Variants in PCDH9 observed in about 807,000 individuals in gnomAD.
PCDH9 encodes protocadherin 9, also known as protocadherin-9.
A neutral mutation model predicts 70.6 loss-of-function variants in PCDH9; 24 were observed. The observed-to-expected ratio is 0.34, with a 90% CI of 0.25 to 0.48. PCDH9 has a LOEUF of 0.48. Among genes scored for constraint, PCDH9 ranks in the 20% least tolerant of loss-of-function variants. The probability of loss-of-function intolerance (pLI) is 0.99; values close to 1 mark genes in which losing one functional copy is unlikely to be tolerated. For missense variants in PCDH9, 1,281 were observed against 1,503.6 expected (o/e 0.85, Z 2.45); for synonymous variants, 562 against 558.5 (o/e 1.01, Z -0.09).
intron 2 of PCDH9, among the ~76,000 whole-genome samples, chr13:66,932,464 A>T (rs1594277062): frequency 6.6e-6 from 1 of 152,034 alleles, no homozygotes; most frequent in African/African-American, 2.4e-5. Flanking sequence ...AGCAAAATCA[A>T]ATAAAACCAA....
At chr13:66,373,139 G>A (rs1330598977) in intron 4 of PCDH9, among the ~76,000 whole-genome samples, 1 of 151,946 alleles carries the variant, frequency 6.6e-6, no homozygotes, top group African/African-American at 2.4e-5. Context: ...ATTTTATAAT[G>A]AAATATTATT....
intron 2 of PCDH9, among the ~76,000 whole-genome samples, chr13:67,078,359 C>T (rs1252388738): frequency 6.6e-6 from 1 of 152,148 alleles, no homozygotes; most frequent in Non-Finnish European, 1.5e-5. Flanking sequence ...GTGTGAAACC[C>T]ACATTAATCT....
In PCDH9 at chr13:66,700,941, T is replaced by C. The variant is rs866087937; in HGVS notation, c.3139-69530A>G. Among the ~76,000 whole-genome samples, 7 of 128,400 alleles carry C rather than the reference T, an allele frequency of 5.5e-5. 1 individual carries two copies. The highest frequency in any genetic ancestry group is 2.4e-4 in the East Asian group (1 of 4,152). 84.2% of individuals were successfully genotyped at this position (128,400 alleles called of 152,430 possible). On this transcript the variant is annotated intron_variant, in intron 3 of 4. Coordinates refer to ENST00000377865, the MANE Select transcript of PCDH9 (RefSeq NM_203487.3). Reference sequence around the variant, plus strand: ...ACATATAAATATATATATATATATATATATATATATATATATATATATATA... The same window carrying C: ...ACATATAAATATATATATATATATACATATATATATATATATATATATATA...
chr13:66,308,167 A>G (rs2138057703), intron 4 of PCDH9, among the ~76,000 whole-genome samples: 1 of 152,192 alleles, frequency 6.6e-6, no homozygotes, highest in Non-Finnish European at 1.5e-5. Context: ...TTCTCTTTAT[A>G]ACTTATCAGA....
intron 4 of PCDH9, among the ~76,000 whole-genome samples, chr13:66,573,378 T>C (rs1566427993): frequency 6.6e-6 from 1 of 152,028 alleles, no homozygotes; most frequent in Non-Finnish European, 1.5e-5. Context: ...TTCTATACAT[T>C]GTTTCTTCAC....
intron 2 of PCDH9, among the ~76,000 whole-genome samples, chr13:66,974,507 T>C (rs1156553540): frequency 1.3e-5 from 2 of 151,970 alleles, no homozygotes; most frequent in Non-Finnish European, 2.9e-5. Context: ...GTGGGTAGAT[T>C]ATAGCCCAGA....
Position 66,390,315 on chromosome 13 carries a change from C to T in PCDH9, c.3341-85287G>A, listed in dbSNP as rs140581904. ...TGGCACTCCATTTCTTCTTCACTCT[C>T]ACGGCAAAAAGAAGTCACCCTTTGA... On this transcript the variant is annotated intron_variant, in intron 4 of 4. Coordinates refer to ENST00000377865, the MANE Select transcript of PCDH9 (RefSeq NM_203487.3). Among the ~76,000 whole-genome samples the T allele has an allele frequency of 1.7e-4, 26 of 152,184 alleles. No individual in the cohort carries two copies. In the East Asian group the frequency reaches 2.9e-3, roughly 17 times the overall value.
Position 66,911,336 on chromosome 13 carries a change from A to AC in PCDH9, c.3037-7732dup, listed in dbSNP as rs557479899. Among the ~76,000 whole-genome samples the AC allele has an allele frequency of 1.3e-4, 20 of 152,312 alleles. No individual in the cohort carries two copies. In the East Asian group the frequency reaches 3.7e-3, roughly 28 times the overall value. On this transcript the variant is annotated intron_variant, in intron 2 of 4. Coordinates refer to ENST00000377865, the MANE Select transcript of PCDH9 (RefSeq NM_203487.3). ...CAGGAATAAGATCATGTATTTGCCC[A>AC]CATCTGGCTGTAAATTCCTTCATAA...
At chr13:67,027,800 C>G (rs1295385794) in intron 2 of PCDH9, among the ~76,000 whole-genome samples, 13 of 145,564 alleles carry the variant, frequency 8.9e-5, no homozygotes, top group Non-Finnish European at 1.5e-4. Context: ...TTTATGCAGC[C>G]AAAAGACACA....
intron 2 of PCDH9, among the ~76,000 whole-genome samples, chr13:67,200,106 G>T (rs1327747437): frequency 6.6e-6 from 1 of 151,988 alleles, no homozygotes; most frequent in Non-Finnish European, 1.5e-5. Context: ...CTCTTTCAAT[G>T]AATATCCTTA....
At position 66,549,309 on chromosome 13, in the gene PCDH9, C is replaced by T. The variant is rs145233500; in HGVS notation, c.3340+81901G>A. On this transcript the variant is annotated intron_variant, in intron 4 of 4. Transcript: ENST00000377865. ...GGGAGGGGGAAGGATTAGTACTTTG[C>T]ATCAAATAGCTTGCTTTATGATGGT... 4.3e-3 allele frequency among the ~76,000 whole-genome samples: 654 copies of T among 152,076 alleles called. 2 individuals are homozygous for T. Among genetic ancestry groups the T allele is most frequent in the African/African-American group, 0.015 (624 of 41,510 alleles).
At chr13:67,096,227 T>C (rs973157140) in intron 2 of PCDH9, among the ~76,000 whole-genome samples, 3 of 152,280 alleles carry the variant, frequency 2.0e-5, no homozygotes, top group East Asian at 1.9e-4. Flanking sequence ...TTTCACAGAA[T>C]GCACTTTCCT....
At chr13:66,698,153 G>T (rs1349704234) in intron 3 of PCDH9, among the ~76,000 whole-genome samples, 1 of 152,280 alleles carries the variant, frequency 6.6e-6, no homozygotes, top group East Asian at 1.9e-4. Context: ...TTGTTTAATG[G>T]GTAGAGAGTT....
chr13:67,079,352 C>CATA (rs145445714), intron 2 of PCDH9, among the ~76,000 whole-genome samples: 12,813 of 152,084 alleles, frequency 0.084, 680 homozygotes, highest in South Asian at 0.14. Context: ...TATAAAACTA[C>CATA]ATAAAATAAT....
intron 3 of PCDH9, among the ~76,000 whole-genome samples, chr13:66,767,285 T>A (rs1257728535): frequency 6.6e-6 from 1 of 152,112 alleles, no homozygotes; most frequent in Non-Finnish European, 1.5e-5. Context: ...ATGTGTTATA[T>A]TTAAGGCAAA....
At chr13:66,525,566 C>G (rs1331051948) in intron 4 of PCDH9, among the ~76,000 whole-genome samples, 2 of 152,040 alleles carry the variant, frequency 1.3e-5, no homozygotes, top group Non-Finnish European at 2.9e-5. Context: ...CAAAACAAAA[C>G]AAGCAAACAA....
At position 67,002,731 on chromosome 13, in the gene PCDH9, C is replaced by T. The variant is rs1300863029; in HGVS notation, c.3037-99126G>A. Among the ~76,000 whole-genome samples, 7 of 151,912 alleles carry T rather than the reference C, an allele frequency of 4.6e-5. No individual in the cohort carries two copies. The South Asian group carries it at 1.5e-3, about 31-fold the overall frequency. The stretch of plus-strand genomic sequence containing the variant: ...TAATCTTCTATGAACTTCTTTTTTT[C>T]CTGTAAATTTGCCATCCAACTCTAC... On this transcript the variant is annotated intron_variant, in intron 2 of 4. Coordinates refer to ENST00000377865, the MANE Select transcript of PCDH9 (RefSeq NM_203487.3).
At chr13:66,803,737 T>C (rs925984418) in intron 3 of PCDH9, among the ~76,000 whole-genome samples, 1 of 152,088 alleles carries the variant, frequency 6.6e-6, no homozygotes, top group Non-Finnish European at 1.5e-5. Context: ...CAGAAATGGG[T>C]GGATAACGTT....
chr13:67,071,874 G>A (rs1451768306), intron 2 of PCDH9, among the ~76,000 whole-genome samples: 2 of 114,680 alleles, frequency 1.7e-5, no homozygotes, highest in Non-Finnish European at 3.5e-5. Flanking sequence ...GGGCAACAGA[G>A]GGAGACTTTG....
Sources: gnomAD v4.1 joint callset for allele counts (sites outside exome capture counted in the v4.1 genomes callset) on GRCh38, gnomAD v4.1.1 for gene constraint, MANE v1.5 for transcripts, NCBI Gene and HGNC (gene_info 2026-07-23, HGNC 2026-07-21) for gene names.